DIXDC1: variants seen among roughly 807,000 people sequenced by gnomAD.
DIXDC1 encodes DIX domain containing 1, also known as dixin.
DIXDC1 carries 64 observed loss-of-function variants against 103.1 expected under a neutral mutation model. The observed-to-expected ratio is 0.62, with a 90% CI of 0.51 to 0.76. The LOEUF (loss-of-function observed/expected upper bound fraction) is 0.76. Among genes scored for constraint, DIXDC1 ranks in the 30% least tolerant of loss-of-function variants. DIXDC1 has a pLI of 0.00. For missense variants in DIXDC1, 759 were observed against 834.2 expected, an observed-to-expected ratio of 0.91 and a Z score of 1.11; for synonymous variants, 266 against 298.5, an observed-to-expected ratio of 0.89 and a Z score of 1.12.
chr11:111,950,862 C>T (rs1302513694), intron 1 of DIXDC1, among the ~76,000 whole-genome samples: 4 of 152,106 alleles, frequency 2.6e-5, no homozygotes, highest in African/African-American at 9.7e-5. Flanking sequence ...AAACATTTAT[C>T]CTTTCTTTGT....
At position 111,974,997 on chromosome 11, in the gene DIXDC1, C is replaced by T; in HGVS notation, c.656+14C>T. ...CAGCTGCTCCAGGTAACTGTGGCCT[C>T]TGAAACCTGAATTCTGGAGGATTCT... is the stretch of plus-strand genomic sequence containing the variant. On this transcript the variant is annotated intron_variant, in intron 5 of 19. Transcript: ENST00000440460. 2 of 1,604,490 alleles carry T rather than the reference C, an allele frequency of 1.2e-6. No individual in the cohort carries two copies. Among genetic ancestry groups the T allele is most frequent in the Non-Finnish European group, 1.7e-6 (2 of 1,176,030 alleles).
At chr11:112,001,835 C>T (rs1176641721) in intron 17 of DIXDC1, among the ~76,000 whole-genome samples, 1 of 150,994 alleles carries the variant, frequency 6.6e-6, no homozygotes, top group Non-Finnish European at 1.5e-5. Context: ...CAGCTCACTG[C>T]AGCCTCTGCC....
Position 111,937,385 on chromosome 11 carries a change from C to A in DIXDC1, c.-115C>A, listed in dbSNP as rs1382985650. On this transcript the variant is annotated 5_prime_UTR_variant, in exon 1 of 20. Transcript: ENST00000440460. ...GGTTTCCAGTAAGTGGCATGCGGGACTCCGGAGGGATCCCAATGAGCTGAG... is the reference window on the plus strand; with the variant it reads ...GGTTTCCAGTAAGTGGCATGCGGGAATCCGGAGGGATCCCAATGAGCTGAG... The A allele has an allele frequency of 4.1e-6, 6 of 1,479,198 alleles. No individual in the cohort carries two copies. The African/African-American group carries it at 8.5e-5, about 21-fold the overall frequency. The allele number at this position is 1,479,198 out of a possible 1,614,324, so 91.6% of individuals were successfully genotyped here. A position where few individuals can be genotyped will look rare whatever the true frequency, so the allele number is the denominator to read the frequency against.
chr11:111,933,147 A>G (rs782695867), upstream of DIXDC1, among the ~76,000 whole-genome samples: 3 of 152,004 alleles, frequency 2.0e-5, no homozygotes, highest in Non-Finnish European at 2.9e-5. Context: ...TTTTTTTTTG[A>G]GACGGAGTTA....
At chr11:111,929,040 A>G (rs587723663) in intron 1 of DIXDC1, among the ~76,000 whole-genome samples, 1 of 151,276 alleles carries the variant, frequency 6.6e-6, no homozygotes, top group African/African-American at 2.4e-5. Flanking sequence ...TTAGCTGGGC[A>G]TGGTGGCACG....
At chr11:111,971,744 A>G (rs1004488890) in intron 3 of DIXDC1, among the ~76,000 whole-genome samples, 2 of 151,650 alleles carry the variant, frequency 1.3e-5, no homozygotes, top group African/African-American at 4.9e-5. Flanking sequence ...ATCTATATCT[A>G]TATCTATATC....
intron 1 of DIXDC1, among the ~76,000 whole-genome samples, chr11:111,964,184 G>C (rs587611485): frequency 6.6e-6 from 1 of 152,184 alleles, no homozygotes; most frequent in East Asian, 1.9e-4. Context: ...GCTGGCAGTC[G>C]TGAATAGACC....
At chr11:111,990,053 G>A (rs1253945621) in intron 10 of DIXDC1, among the ~76,000 whole-genome samples, 2 of 147,962 alleles carry the variant, frequency 1.4e-5, no homozygotes, top group Non-Finnish European at 3.0e-5. Flanking sequence ...GCCTCCCAAA[G>A]TGCTGGGATT....
At chr11:112,006,599 G>GGCAATATTTGCTGTTCT (rs1388821073) in intron 17 of DIXDC1, among the ~76,000 whole-genome samples, 1 of 152,180 alleles carries the variant, frequency 6.6e-6, no homozygotes, top group Non-Finnish European at 1.5e-5. Flanking sequence ...GGAAGGATCA[G>GGCAATATTTGCTGTTCT]GCAATATTTG....
intron 1 of DIXDC1, among the ~76,000 whole-genome samples, chr11:111,947,972 G>C (rs1158684720): frequency 2.6e-5 from 4 of 152,150 alleles, no homozygotes; most frequent in Non-Finnish European, 5.9e-5. Context: ...GGGCAACATA[G>C]CAAGGACTCC....
intron 7 of DIXDC1, 89 bp from the exon 8 acceptor site, chr11:111,985,143 T>C: frequency 9.4e-7 from 1 of 1,064,930 alleles, no homozygotes; most frequent in African/African-American, 1.6e-5. Context: ...GAGTTGTGAT[T>C]TTAACTTGGG....
intron 1 of DIXDC1, chr11:111,946,709 T>C (rs1317742679): frequency 1.0e-5 from 4 of 385,414 alleles, no homozygotes; most frequent in African/African-American, 2.1e-5. Context: ...TTAAGAACTT[T>C]AGGTGTCACA....
At chr11:111,987,482 T>C (rs1555174013) in intron 9 of DIXDC1, among the ~76,000 whole-genome samples, 1 of 152,130 alleles carries the variant, frequency 6.6e-6, no homozygotes, top group Admixed American at 6.6e-5. Context: ...TTTTTATTCT[T>C]TAATTAAAAG....
chr11:112,006,868 G>C (rs587655826), intron 17 of DIXDC1, among the ~76,000 whole-genome samples: 1 of 152,336 alleles, frequency 6.6e-6, no homozygotes, highest in South Asian at 2.1e-4. Context: ...GAGCAGAAAA[G>C]CTGAAGATTC....
intron 1 of DIXDC1, among the ~76,000 whole-genome samples, chr11:111,957,562 C>A (rs587711830): frequency 6.6e-6 from 1 of 152,342 alleles, no homozygotes; most frequent in East Asian, 1.9e-4. Flanking sequence ...AATGTGACTT[C>A]TGTGGTTTTC....
Position 112,021,047 on chromosome 11 carries a change from T to A in DIXDC1, c.*2011T>A, listed in dbSNP as rs782047576. On this transcript the variant is annotated 3_prime_UTR_variant, in exon 20 of 20. Transcript: ENST00000440460. ...ATTCATTATTGTATTTCCAATACAGTTTGTCTTGAATGTCTGTCTCTTAAA... is the reference window on the plus strand; with the variant it reads ...ATTCATTATTGTATTTCCAATACAGATTGTCTTGAATGTCTGTCTCTTAAA... 2 of 152,200 alleles carry A rather than the reference T, an allele frequency of 1.3e-5. No homozygotes were observed. Among genetic ancestry groups the A allele is most frequent in the East Asian group, 3.8e-4 (2 of 5,198 alleles). 9.4% of individuals were successfully genotyped at this position (152,200 alleles called of 1,614,324 possible). A position where few individuals can be genotyped will look rare whatever the true frequency, so the allele number is the denominator to read the frequency against.
At chr11:111,956,277 A>G (rs1461082246) in intron 1 of DIXDC1, among the ~76,000 whole-genome samples, 1 of 152,200 alleles carries the variant, frequency 6.6e-6, no homozygotes. Context: ...GCAGTATGAA[A>G]AAGGTCTATA....
chr11:111,961,305 A>G (rs1443682238), intron 1 of DIXDC1, among the ~76,000 whole-genome samples: 2 of 152,228 alleles, frequency 1.3e-5, no homozygotes, highest in African/African-American at 2.4e-5. Context: ...TCAGCAGTGC[A>G]TTTATTTAGG....
At chr11:111,950,428 ATATATATATATTTTTTTTTTTTTTTTT>A (rs1209523242) in intron 1 of DIXDC1, among the ~76,000 whole-genome samples, 64 of 21,336 alleles carry the variant, frequency 3.0e-3, no homozygotes, top group Admixed American at 0.013. Context: ...ATATATATAT[ATATATATATATTTTTTTTTTTTTTTTT>A]TTTTTTTTTT....
Sources: gnomAD v4.1 joint callset for allele counts (sites outside exome capture counted in the v4.1 genomes callset) on GRCh38, gnomAD v4.1.1 for gene constraint, MANE v1.5 for transcripts, NCBI Gene and HGNC (gene_info 2026-07-23, HGNC 2026-07-21) for gene names.